NCAM1: variants seen among roughly 807,000 people sequenced by gnomAD.
NCAM1 encodes neural cell adhesion molecule 1.
In NCAM1, 14 loss-of-function variants were observed where a neutral mutation model predicts 109.8. That is an observed-to-expected ratio of 0.13 (90% CI 0.08 to 0.20). The LOEUF (loss-of-function observed/expected upper bound fraction) is 0.20, where lower values mean the gene tolerates loss of function less well. Ranked by LOEUF, NCAM1 falls within the 10% of genes least tolerant of loss-of-function variation. NCAM1 has a pLI of 1.00. For missense variants in NCAM1, 774 were observed against 1,109.9 expected (o/e 0.70, Z 4.30); for synonymous variants, 418 against 442.9 (o/e 0.94, Z 0.70).
At chr11:112,999,649 T>A (rs1419175057) in intron 1 of NCAM1, among the ~76,000 whole-genome samples, 1 of 152,138 alleles carries the variant, frequency 6.6e-6, no homozygotes, top group Non-Finnish European at 1.5e-5. Flanking sequence ...GGATATTGTC[T>A]GATTCATTAT....
intron 1 of NCAM1, among the ~76,000 whole-genome samples, chr11:113,101,913 G>T (rs1555091605): frequency 6.6e-6 from 1 of 152,132 alleles, no homozygotes; most frequent in African/African-American, 2.4e-5. Context: ...TTCAAACATG[G>T]TATTTCTTCT....
rs1468704053 is a variant in NCAM1 at position 113,232,276 on chromosome 11, T to A, written c.1347T>A (p.Phe449Leu). 1.9e-6 allele frequency: 3 copies of A among 1,613,816 alleles called. No individual in the cohort carries two copies. The highest frequency in any genetic ancestry group is 2.5e-6 in the Non-Finnish European group (3 of 1,179,882). ...FAYPSATISW[F>L]RDGQLLPSSN... The stretch of plus-strand genomic sequence containing the variant: ...ATCCCAGTGCCACGATCTCATGGTT[T>A]CGGGATGGCCAGCTGCTGCCAAGCT... The change falls in exon 11 of 20, where the codon TTT (phenylalanine) becomes TTA (leucine). Residue 449 changes from phenylalanine to leucine, a missense_variant. Physicochemically the swap from Phe to Leu is conservative, Grantham distance 22. Transcript: ENST00000316851.
rs2137783335 is a variant in NCAM1 at position 113,271,786 on chromosome 11, T to C, written c.2366T>C (p.Val789Ala). 3 of 1,562,650 alleles carry C rather than the reference T, an allele frequency of 1.9e-6. No homozygotes were observed. The highest frequency in any genetic ancestry group is 2.6e-6 in the Non-Finnish European group (3 of 1,153,532). The change falls in exon 19 of 20, where the codon GTG becomes GCG. Residue 789 changes from valine to alanine, a missense_variant. Val to Ala is a moderately conservative substitution (Grantham distance 64, BLOSUM62 0). Coordinates refer to ENST00000316851, the MANE Select transcript of NCAM1 (RefSeq NM_181351.5). Reference protein sequence around the residue: ...FSKDESKEPIVEVRTEEERTP... With the variant: ...FSKDESKEPIAEVRTEEERTP... ...AAAGATGAGTCCAAGGAGCCCATCG[T>C]GGAGGTTCGAACGGAGGAGGAGAGG...
chr11:113,118,339 G>T (rs1940798927), intron 1 of NCAM1, among the ~76,000 whole-genome samples: 1 of 151,898 alleles, frequency 6.6e-6, no homozygotes, highest in Non-Finnish European at 1.5e-5. Flanking sequence ...AAGCCCAAAT[G>T]AGATGCATGT....
At chr11:113,164,991 A>G (rs1555105024) in intron 1 of NCAM1, among the ~76,000 whole-genome samples, 1 of 152,154 alleles carries the variant, frequency 6.6e-6, no homozygotes, top group Non-Finnish European at 1.5e-5. Context: ...ATTCTAAGAG[A>G]GTAGGAGCTG....
intron 1 of NCAM1, among the ~76,000 whole-genome samples, chr11:113,069,403 G>A (rs939052922): frequency 6.6e-5 from 10 of 152,174 alleles, no homozygotes; most frequent in Non-Finnish European, 7.3e-5. Flanking sequence ...AGACCATGAC[G>A]AAGCCTCAGT....
chr11:113,210,868 G>A (rs1944372563), intron 7 of NCAM1, among the ~76,000 whole-genome samples: 1 of 151,500 alleles, frequency 6.6e-6, no homozygotes, highest in South Asian at 2.1e-4. Context: ...AGAATAGGGA[G>A]CATAGTGGGG....
intron 7 of NCAM1, among the ~76,000 whole-genome samples, chr11:113,213,301 G>C (rs1394777996): frequency 6.6e-6 from 1 of 152,160 alleles, no homozygotes; most frequent in African/African-American, 2.4e-5. Context: ...CATTTGTGCA[G>C]TGTTATCTTT....
At chr11:113,010,078 C>T (rs1297712629) in intron 1 of NCAM1, among the ~76,000 whole-genome samples, 1 of 151,134 alleles carries the variant, frequency 6.6e-6, no homozygotes, top group East Asian at 1.9e-4. Flanking sequence ...AAAAGCAAAA[C>T]CACCTAATGA....
At chr11:113,017,647 G>T (rs1952247984) in intron 1 of NCAM1, among the ~76,000 whole-genome samples, 1 of 151,890 alleles carries the variant, frequency 6.6e-6, no homozygotes, top group Non-Finnish European at 1.5e-5. Flanking sequence ...GTGTGTGTGT[G>T]TGTGTGTGTG....
At chr11:113,043,146 G>A (rs143244777) in intron 1 of NCAM1, among the ~76,000 whole-genome samples, 52 of 152,020 alleles carry the variant, frequency 3.4e-4, no homozygotes, top group African/African-American at 1.2e-3. Flanking sequence ...TGAGGCTGGC[G>A]AGGGGGCACT....
chr11:113,099,018 G>A (rs1260368453), intron 1 of NCAM1, among the ~76,000 whole-genome samples: 1 of 152,250 alleles, frequency 6.6e-6, no homozygotes. Flanking sequence ...AAGTCCTGTG[G>A]GGAATTATTG....
intron 16 of NCAM1, 92 bp downstream of exon 16, chr11:113,256,093 G>C: frequency 6.8e-7 from 1 of 1,476,970 alleles, no homozygotes; most frequent in South Asian, 1.3e-5. Context: ...ACGGGGCAGG[G>C]GTGGGATGGG....
intron 1 of NCAM1, among the ~76,000 whole-genome samples, chr11:113,091,871 GA>G (rs782228084): frequency 5.9e-5 from 9 of 152,210 alleles, no homozygotes; most frequent in Non-Finnish European, 1.3e-4. Context: ...TACTACACCA[GA>G]GAGTAAGATT....
chr11:113,041,188 A>G (rs1420294843), intron 1 of NCAM1: 2 of 152,226 alleles, frequency 1.3e-5, no homozygotes, highest in African/African-American at 2.4e-5. Context: ...AAAAAAATAG[A>G]TATGTGCAGG....
chr11:113,101,155 T>C (rs1939857811), intron 1 of NCAM1, among the ~76,000 whole-genome samples: 1 of 152,200 alleles, frequency 6.6e-6, no homozygotes, highest in Non-Finnish European at 1.5e-5. Context: ...GCCTTTGACC[T>C]GGAAATCCCT....
At chr11:113,111,762 C>CAT (rs145591048) in intron 1 of NCAM1, among the ~76,000 whole-genome samples, 2 of 152,126 alleles carry the variant, frequency 1.3e-5, no homozygotes, top group African/African-American at 2.4e-5. Flanking sequence ...ATATGTATCA[C>CAT]ATATATATAT....
chr11:113,194,823 G>A (rs1555110532), intron 1 of NCAM1, among the ~76,000 whole-genome samples: 1 of 152,178 alleles, frequency 6.6e-6, no homozygotes, highest in Admixed American at 6.5e-5. Flanking sequence ...GGCCTGTGGC[G>A]ACTTTAGACA....
At chr11:113,100,041 A>G (rs1939800716) in intron 1 of NCAM1, among the ~76,000 whole-genome samples, 1 of 152,128 alleles carries the variant, frequency 6.6e-6, no homozygotes, top group Non-Finnish European at 1.5e-5. Context: ...CTGGTCATGG[A>G]AAAATCCCAC....
Sources: gnomAD v4.1 joint callset for allele counts (sites outside exome capture counted in the v4.1 genomes callset) on GRCh38, gnomAD v4.1.1 for gene constraint, MANE v1.5 for transcripts, NCBI Gene and HGNC (gene_info 2026-07-23, HGNC 2026-07-21) for gene names.